Variants in MYO1H observed in about 807,000 individuals in gnomAD.
MYO1H encodes the protein myosin IH.
In MYO1H, 118 loss-of-function variants were observed where a neutral mutation model predicts 149.3. The observed-to-expected ratio is 0.79, with a 90% CI of 0.68 to 0.92. The LOEUF (loss-of-function observed/expected upper bound fraction) is 0.92, where lower values mean the gene tolerates loss of function less well. MYO1H is among the 40% of genes least tolerant of loss of function. The probability of loss-of-function intolerance (pLI) is 0.00; values close to 1 mark genes in which losing one functional copy is unlikely to be tolerated. For missense variants in MYO1H, 1,212 were observed against 1,280.7 expected, an observed-to-expected ratio of 0.95 and a Z score of 0.82; for synonymous variants, 447 against 465.2, an observed-to-expected ratio of 0.96 and a Z score of 0.50.
At chr12:109,412,705 G>A (rs1310937948) in intron 14 of MYO1H, among the ~76,000 whole-genome samples, 8 of 152,124 alleles carry the variant, frequency 5.3e-5, no homozygotes, top group Admixed American at 5.2e-4. Context: ...TAGTCTTTGA[G>A]GTAAGCAGGA....
At chr12:109,368,251 A>G (rs961975981) in intron 1 of MYO1H, among the ~76,000 whole-genome samples, 15 of 152,370 alleles carry the variant, frequency 9.8e-5, no homozygotes, top group Non-Finnish European at 1.8e-4. Flanking sequence ...TTGTTCACTG[A>G]AATATCCCAA....
At chr12:109,395,538 A>G (rs1223542140) in intron 3 of MYO1H, among the ~76,000 whole-genome samples, 3 of 152,154 alleles carry the variant, frequency 2.0e-5, no homozygotes, top group African/African-American at 7.2e-5. Flanking sequence ...GTTCCAGACC[A>G]GCCTGATCAA....
At position 109,388,849 on chromosome 12, in the gene MYO1H, C is replaced by T. The variant is rs373600462; in HGVS notation, c.174+5C>T. The stretch of plus-strand genomic sequence containing the variant: ...TTCAGCGAGAACCTCATATACGTAA[C>T]GTGACCCACTTCTCAGCTGTTTTTC... On this transcript the variant is annotated splice_donor_5th_base_variant and intron_variant, in intron 2 of 31. Coordinates refer to ENST00000310903, the Ensembl canonical transcript of MYO1H. 2.1e-5 allele frequency: 34 copies of T among 1,600,182 alleles called. No individual in the cohort carries two copies. In the African/African-American group the frequency reaches 3.1e-4, roughly 14 times the overall value.
chr12:109,446,387 A>T (rs1458224802), intron 31 of MYO1H: 1 of 985,424 alleles, frequency 1.0e-6, no homozygotes, highest in Admixed American at 6.1e-5. Flanking sequence ...TATAGGAAGA[A>T]TTTTGATACA....
Position 109,440,143 on chromosome 12 carries a change from TG to T in MYO1H, c.2454+355del, listed in dbSNP as rs370950602. ...TCCGCCTCCTAGGCTCAAGTGATTCTGGTGTGTCAGCCCCCCTGAATAACTG... is the reference window on the plus strand; with the variant it reads ...TCCGCCTCCTAGGCTCAAGTGATTCTGTGTGTCAGCCCCCCTGAATAACTG... On this transcript the variant is annotated intron_variant, in intron 24 of 31. Transcript: ENST00000310903. 1.7e-3 allele frequency among the ~76,000 whole-genome samples: 258 copies of T among 152,198 alleles called. 8 individuals carry two copies. In the South Asian group the frequency reaches 0.051, roughly 30 times the overall value.
At chr12:109,398,301 A>C (rs1420216071) in intron 5 of MYO1H, among the ~76,000 whole-genome samples, 1 of 152,252 alleles carries the variant, frequency 6.6e-6, no homozygotes, top group African/African-American at 2.4e-5. Flanking sequence ...TGAAATGTCC[A>C]TCGACAGGAG....
chr12:109,313,051 G>C, the MYO1H span, among the ~76,000 whole-genome samples: 1 of 151,992 alleles, frequency 6.6e-6, no homozygotes, highest in Non-Finnish European at 1.5e-5. Flanking sequence ...ACCAGCCTGA[G>C]CAACATGGTG....
chr12:109,423,626 A>G (rs1406421122), intron 16 of MYO1H, among the ~76,000 whole-genome samples: 1 of 152,194 alleles, frequency 6.6e-6, no homozygotes, highest in Non-Finnish European at 1.5e-5. Flanking sequence ...AATACTGTCT[A>G]CTTTCTACCT....
chr12:109,376,207 C>T (rs1869085006), intron 1 of MYO1H, among the ~76,000 whole-genome samples: 1 of 152,178 alleles, frequency 6.6e-6, no homozygotes, highest in Non-Finnish European at 1.5e-5. Flanking sequence ...AATTTTAGAG[C>T]ATTTCAACAC....
At chr12:109,349,216 G>C (rs1868402609) in intron 1 of MYO1H, among the ~76,000 whole-genome samples, 1 of 152,168 alleles carries the variant, frequency 6.6e-6, no homozygotes, top group Admixed American at 6.6e-5. Context: ...AATTGTCATG[G>C]CTTTACAAAA....
intron 19 of MYO1H, 127 bp from the exon 20 acceptor site, chr12:109,432,770 G>C: frequency 1.4e-6 from 1 of 696,340 alleles, no homozygotes; most frequent in Non-Finnish European, 2.6e-6. Context: ...CGTGTAATGG[G>C]ACTACTACAT....
intron 5 of MYO1H, 98 bp from the exon 6 acceptor site, chr12:109,400,995 A>G (rs1592794441): frequency 1.0e-6 from 1 of 997,454 alleles, no homozygotes; most frequent in South Asian, 1.6e-5. Flanking sequence ...TGATCAGATC[A>G]GACTTCATTC....
the MYO1H span, among the ~76,000 whole-genome samples, chr12:109,313,683 A>G: frequency 1.3e-5 from 2 of 152,182 alleles, no homozygotes; most frequent in Non-Finnish European, 2.9e-5. Context: ...GTTCTGTTCT[A>G]CTTCCCAGAA....
intron 30 of MYO1H, 100 bp downstream of exon 30, chr12:109,444,629 G>A: frequency 2.2e-6 from 2 of 900,336 alleles, no homozygotes; most frequent in South Asian, 2.9e-5. Context: ...CACTTTGGGA[G>A]GCTGAGGTGA....
the MYO1H span, among the ~76,000 whole-genome samples, chr12:109,339,111 T>A: frequency 1.3e-5 from 2 of 152,186 alleles, no homozygotes; most frequent in Admixed American, 6.5e-5. Flanking sequence ...ATGCCTGTAA[T>A]CCCAGCACTT....
intron 16 of MYO1H, among the ~76,000 whole-genome samples, chr12:109,422,222 A>G (rs981896514): frequency 2.6e-5 from 4 of 152,330 alleles, no homozygotes; most frequent in African/African-American, 7.2e-5. Context: ...TTAACCCTAA[A>G]GGTAACATTT....
chr12:109,392,581 G>C (rs1424992496), intron 2 of MYO1H, among the ~76,000 whole-genome samples: 1 of 151,894 alleles, frequency 6.6e-6, no homozygotes, highest in Non-Finnish European at 1.5e-5. Flanking sequence ...AATTAGCTGG[G>C]GGTGGTGGCG....
At chr12:109,410,464 AT>A (rs1302145933) in intron 12 of MYO1H, among the ~76,000 whole-genome samples, 4 of 152,208 alleles carry the variant, frequency 2.6e-5, no homozygotes, top group Non-Finnish European at 5.9e-5. Flanking sequence ...TAACTGAAGT[AT>A]TATTTCATTG....
rs1165995755 is a variant in MYO1H at position 109,442,795 on chromosome 12, C to CTGCCTTTTTT, written c.2688+524_2688+525insGCCTTTTTTT. On this transcript the variant is annotated intron_variant, in intron 27 of 31. Transcript: ENST00000310903. ...GTGATCGTGTGTGCCAGTGTCTGCT[C>CTGCCTTTTTT]TTTTTTTTTTTTTTTTTTTTTTTGT... Among the ~76,000 whole-genome samples, 29 of 94,040 alleles carry CTGCCTTTTTT rather than the reference C, an allele frequency of 3.1e-4. 3 individuals carry two copies. The East Asian group carries it at 6.8e-3, about 22-fold the overall frequency. The allele number at this position is 94,040 out of a possible 152,430, so 61.7% of individuals were successfully genotyped here.
Sources: gnomAD v4.1 joint callset for allele counts (sites outside exome capture counted in the v4.1 genomes callset) on GRCh38, gnomAD v4.1.1 for gene constraint, MANE v1.5 for transcripts, NCBI Gene and HGNC (gene_info 2026-07-23, HGNC 2026-07-21) for gene names.